MTF2: variants seen among roughly 807,000 people sequenced by gnomAD.
MTF2 encodes metal-response element-binding transcription factor 2.
A neutral mutation model predicts 79.5 loss-of-function variants in MTF2; 11 were observed. The observed-to-expected ratio is 0.14, with a 90% confidence interval of 0.09 to 0.23. The LOEUF (loss-of-function observed/expected upper bound fraction) is 0.23. Ranked by LOEUF, MTF2 falls within the 10% of genes least tolerant of loss-of-function variation. The pLI is 1.00. For missense variants in MTF2, 486 were observed against 711.2 expected (o/e 0.68, Z 3.60); for synonymous variants, 208 against 232.8 (o/e 0.89, Z 0.97).
At chr1:93,087,106 T>C (rs1270879828) in intron 1 of MTF2, among the ~76,000 whole-genome samples, 1 of 152,216 alleles carries the variant, frequency 6.6e-6, no homozygotes. Flanking sequence ...GAATTTTTCA[T>C]GTGTGGTTGA....
chr1:93,117,332 G>A lies in MTF2; in HGVS notation c.633-1013G>A, dbSNP rs1656288462. Among the ~76,000 whole-genome samples, 3 of 152,134 alleles carry A rather than the reference G, an allele frequency of 2.0e-5. No individual in the cohort carries two copies. In the South Asian group the frequency reaches 6.2e-4, roughly 31 times the overall value. The stretch of plus-strand genomic sequence containing the variant: ...GTGGGAGGATCCTTTGAACCCTGAA[G>A]TCCAGCTTGGTCAATGTAGCAATGT... On this transcript the variant is annotated intron_variant, in intron 6 of 14. Coordinates refer to ENST00000370298, the MANE Select transcript of MTF2 (RefSeq NM_007358.4).
intron 1 of MTF2, among the ~76,000 whole-genome samples, chr1:93,107,337 G>A (rs983021368): frequency 6.6e-6 from 1 of 152,148 alleles, no homozygotes; most frequent in Non-Finnish European, 1.5e-5. Flanking sequence ...CGGTTCTCCT[G>A]CCTCAGCCTC....
At chr1:93,093,216 T>C (rs1655144503) in intron 1 of MTF2, among the ~76,000 whole-genome samples, 1 of 152,038 alleles carries the variant, frequency 6.6e-6, no homozygotes. Context: ...TGTCAAATAC[T>C]TGTTAGCTGT....
intron 1 of MTF2, among the ~76,000 whole-genome samples, chr1:93,094,569 C>T (rs545698341): frequency 2.0e-5 from 3 of 152,074 alleles, no homozygotes; most frequent in African/African-American, 7.2e-5. Context: ...GGTCATTTGT[C>T]ATGTGCATTT....
At chr1:93,130,641 G>T (rs1042077408) in intron 11 of MTF2, among the ~76,000 whole-genome samples, 2 of 152,132 alleles carry the variant, frequency 1.3e-5, no homozygotes, top group South Asian at 4.1e-4. Flanking sequence ...AAGAATAAAA[G>T]CAGGAGAAAA....
chr1:93,128,797 C>T (rs1473117867), intron 10 of MTF2: 1 of 150,828 alleles, frequency 6.6e-6, no homozygotes, highest in East Asian at 1.9e-4. Context: ...ACTCTAGATA[C>T]TCCTTTTATT....
chr1:93,100,375 G>A (rs1347174782), intron 1 of MTF2, among the ~76,000 whole-genome samples: 2 of 152,090 alleles, frequency 1.3e-5, no homozygotes, highest in African/African-American at 4.8e-5. Flanking sequence ...CATGATCTCC[G>A]CTCACTGCAA....
At chr1:93,120,865 G>T in intron 9 of MTF2, 193 bp downstream of exon 9, 1 of 1,278,790 alleles carries the variant, frequency 7.8e-7, no homozygotes, top group East Asian at 3.9e-5. Context: ...TTTGTTGCCT[G>T]TTGACTCTGG....
intron 9 of MTF2, chr1:93,121,278 A>G (rs904755257): frequency 1.1e-6 from 1 of 913,538 alleles, no homozygotes; most frequent in African/African-American, 1.8e-5. Flanking sequence ...CATTAAAGAA[A>G]ATTTTGAAAC....
chr1:93,129,579 G>A (rs1240501774), intron 11 of MTF2, 131 bp downstream of exon 11: 2 of 488,230 alleles, frequency 4.1e-6, no homozygotes, highest in Non-Finnish European at 6.3e-6. Context: ...TTTTTTTTTT[G>A]GTCTATCATA....
rs757299708 is a variant in MTF2 at position 93,115,027 on chromosome 1, G to T, written c.422G>T (p.Ser141Ile). The stretch of plus-strand genomic sequence containing the variant: ...TGTCACACACCTCATATTGATTCCA[G>T]TGTGATTGATTCAGATGAAAAATGG... ...QLCHTPHIDSSVIDSDEKWLC... is the reference protein window; with the variant it reads ...QLCHTPHIDSIVIDSDEKWLC... Residue 141 changes from serine to isoleucine, a missense_variant, in exon 5 of 15, where the codon AGT becomes ATT. Physicochemically the swap from Ser to Ile is moderately radical, Grantham distance 142. Coordinates refer to ENST00000370298, the MANE Select transcript of MTF2 (RefSeq NM_007358.4). 2 of 1,611,482 alleles carry T rather than the reference G, an allele frequency of 1.2e-6. No individual in the cohort carries two copies. Among genetic ancestry groups the T allele is most frequent in the South Asian group, 1.1e-5 (1 of 90,946 alleles).
chr1:93,120,903 T>C (rs900137233), intron 9 of MTF2: 3 of 1,192,932 alleles, frequency 2.5e-6, no homozygotes, highest in Admixed American at 5.0e-5. Context: ...AGGTATATTA[T>C]TTGATTCTTT....
intron 1 of MTF2, among the ~76,000 whole-genome samples, chr1:93,083,475 A>C (rs1654700288): frequency 1.3e-5 from 2 of 152,202 alleles, no homozygotes; most frequent in African/African-American, 4.8e-5. Flanking sequence ...CAGTTGATGG[A>C]CATTTGGGTT....
Position 93,118,339 on chromosome 1 carries a change from T to TA in MTF2, c.633-4dup. 1 of 1,568,554 alleles carries TA rather than the reference T, an allele frequency of 6.4e-7. No homozygotes were observed. Among genetic ancestry groups the TA allele is most frequent in the Non-Finnish European group, 8.6e-7 (1 of 1,159,006 alleles). ...TTAGTGTTAACTTTTTTGTTTTTTT[T>TA]AATAGCTGGTATTTGAAGATGCTAC... On this transcript the variant is annotated splice_region_variant and splice_polypyrimidine_tract_variant and intron_variant, in intron 6 of 14. Transcript: ENST00000370298.
At chr1:93,099,002 A>G (rs1248338833) in intron 1 of MTF2, among the ~76,000 whole-genome samples, 3 of 152,162 alleles carry the variant, frequency 2.0e-5, no homozygotes, top group Admixed American at 6.5e-5. Context: ...GTTTGTCTAT[A>G]TTGTAAACAG....
In MTF2 at chr1:93,079,496, A is replaced by G. The variant is rs1654503588; in HGVS notation, c.-31A>G. On this transcript the variant is annotated 5_prime_UTR_variant, in exon 1 of 15. It removes an upstream start codon present in the reference 5' UTR. Coordinates refer to ENST00000370298, the MANE Select transcript of MTF2 (RefSeq NM_007358.4). ...GGACGGATTGGTTGTTTTTTCCTGT[A>G]TGAAGCGGTTGGCACCACTGAAGTG... is the stretch of plus-strand genomic sequence containing the variant. 6 of 1,613,912 alleles carry G rather than the reference A, an allele frequency of 3.7e-6. No homozygotes were observed. The highest frequency in any genetic ancestry group is 1.7e-4 in the Middle Eastern group (1 of 6,060).
At chr1:93,093,518 C>A (rs1272903916) in intron 1 of MTF2, among the ~76,000 whole-genome samples, 1 of 152,142 alleles carries the variant, frequency 6.6e-6, no homozygotes, top group Non-Finnish European at 1.5e-5. Flanking sequence ...TTACCACCAT[C>A]CTGGGAATTC....
At chr1:93,079,650 C>G (rs990946183) in intron 1 of MTF2, 119 bp downstream of exon 1, 1 of 1,302,304 alleles carries the variant, frequency 7.7e-7, no homozygotes. Flanking sequence ...GGTGGGGGCT[C>G]CTGTATGTGG....
intron 1 of MTF2, among the ~76,000 whole-genome samples, chr1:93,085,002 G>A (rs565855475): frequency 5.9e-5 from 9 of 152,178 alleles, no homozygotes; most frequent in African/African-American, 2.2e-4. Context: ...CAGTACTTGA[G>A]CCCCTCTGTT....
Sources: gnomAD v4.1 joint callset for allele counts (sites outside exome capture counted in the v4.1 genomes callset) on GRCh38, gnomAD v4.1.1 for gene constraint, MANE v1.5 for transcripts, NCBI Gene and HGNC (gene_info 2026-07-23, HGNC 2026-07-21) for gene names.